PCDHA2: variants seen among roughly 807,000 people sequenced by gnomAD.
The protein encoded by PCDHA2 is protocadherin alpha-2.
Under a neutral mutation model 66.0 loss-of-function variants are expected in PCDHA2, and 58 were observed. The ratio of observed to expected loss-of-function variants is 0.88; its 90% CI spans 0.71 to 1.09. The LOEUF is 1.09. Ranked by LOEUF, PCDHA2 falls within the 50% of genes least tolerant of loss-of-function variation. The pLI is 0.00. For missense variants in PCDHA2, 1,267 were observed against 1,242.3 expected (o/e 1.02, Z -0.30); for synonymous variants, 634 against 554.0 (o/e 1.14, Z -2.03).
chr5:140,825,780 A>C (rs1409625952), intron 1 of PCDHA2: 3 of 152,454 alleles, frequency 2.0e-5, no homozygotes, highest in African/African-American at 7.2e-5. Context: ...AAATTCTACT[A>C]TATTTTGGTT....
intron 1 of PCDHA2, chr5:140,870,294 G>A (rs1554164013): frequency 3.1e-6 from 5 of 1,614,192 alleles, no homozygotes; most frequent in Non-Finnish European, 3.4e-6. Flanking sequence ...TCAAGCTGGT[G>A]TCCACCTTCA....
intron 1 of PCDHA2, chr5:140,816,072 A>G (rs1300909474): frequency 1.3e-5 from 2 of 152,144 alleles, no homozygotes; most frequent in African/African-American, 4.8e-5. Flanking sequence ...TTCAGATGTA[A>G]TTTTAAAAAA....
In PCDHA2 at chr5:140,856,941, C is replaced by A. The variant is rs782304851; in HGVS notation, c.2388+59589C>A. The A allele has an allele frequency of 2.5e-6, 4 of 1,592,588 alleles. No homozygotes were observed. The South Asian group carries it at 3.3e-5, about 13-fold the overall frequency. On this transcript the variant is annotated intron_variant, in intron 1 of 3. Coordinates refer to ENST00000526136, the MANE Select transcript of PCDHA2 (RefSeq NM_018905.3). The stretch of plus-strand genomic sequence containing the variant: ...AGGAAATTTTGGATAAACGAAAGGA[C>A]GGGAGAAATAAAAGTAAATGATGCT...
intron 1 of PCDHA2, chr5:140,863,165 C>G (rs1367294208): frequency 1.5e-6 from 1 of 666,560 alleles, no homozygotes; most frequent in Non-Finnish European, 2.7e-6. Context: ...TGCGAGCTGG[C>G]GCTGACTGCC....
chr5:140,839,516 A>G (rs2150298514), intron 1 of PCDHA2, among the ~76,000 whole-genome samples: 7 of 151,942 alleles, frequency 4.6e-5, no homozygotes, highest in African/African-American at 1.7e-4. Context: ...CAGCCTCTCA[A>G]GTTGCTGGGA....
intron 1 of PCDHA2, among the ~76,000 whole-genome samples, chr5:140,831,887 T>C (rs2150198010): frequency 2.4e-4 from 37 of 152,304 alleles, no homozygotes; most frequent in African/African-American, 6.5e-4. Context: ...CGCTTATAAC[T>C]GTGTTTGCCA....
intron 1 of PCDHA2, chr5:140,884,510 T>G: frequency 6.2e-7 from 1 of 1,613,982 alleles, no homozygotes; most frequent in Non-Finnish European, 8.5e-7. Flanking sequence ...GGCAGGGAGT[T>G]GGTCGTACTC....
At position 140,796,705 on chromosome 5, in the gene PCDHA2, G is replaced by C; in HGVS notation, c.1741G>C (p.Val581Leu). ...GTAAGAVSEL[V>L]PWSVGAGHVV... ...CGCTGCTGGCGCAGTGAGTGAGCTG[G>C]TGCCGTGGTCGGTGGGTGCAGGGCA... The change falls in exon 1 of 4, where the codon GTG becomes CTG. Residue 581 changes from valine to leucine, a missense_variant. Transcript: ENST00000526136. 6.2e-7 allele frequency: 1 copy of C among 1,614,010 alleles called. No individual in the cohort carries two copies. Among genetic ancestry groups the C allele is most frequent in the Non-Finnish European group, 8.5e-7 (1 of 1,179,914 alleles).
At chr5:140,967,279 T>A in intron 1 of PCDHA2, 1 of 1,613,002 alleles carries the variant, frequency 6.2e-7, no homozygotes, top group Non-Finnish European at 8.5e-7. Context: ...ACATAGAGAG[T>A]GCGCAGGACC....
Position 140,849,199 on chromosome 5 carries a change from A to G in PCDHA2, c.2388+51847A>G, listed in dbSNP as rs1581177103. 1 of 1,039,422 alleles carries G rather than the reference A, an allele frequency of 9.6e-7. No homozygotes were observed. The allele number at this position is 1,039,422 out of a possible 1,614,324, so 64.4% of individuals were successfully genotyped here. On this transcript the variant is annotated intron_variant, in intron 1 of 3. Transcript: ENST00000526136. Reference sequence around the variant, plus strand: ...CAATTACTCATCACGGTACTGGACAACAATGACAATGCCCCAGTGTTCGAC... The same window carrying G: ...CAATTACTCATCACGGTACTGGACAGCAATGACAATGCCCCAGTGTTCGAC...
intron 1 of PCDHA2, among the ~76,000 whole-genome samples, chr5:140,943,311 T>C (rs1281237979): frequency 1.3e-5 from 2 of 150,340 alleles, no homozygotes. Flanking sequence ...AAGTCATTAT[T>C]AGCAATATTG....
At chr5:140,847,774 C>T (rs1554141905) in intron 1 of PCDHA2, 2 of 149,772 alleles carry the variant, frequency 1.3e-5, no homozygotes, top group East Asian at 3.9e-4. Context: ...AGTCAATTCT[C>T]GCTTTTCTTG....
chr5:140,823,639 C>A, intron 1 of PCDHA2: 1 of 1,614,012 alleles, frequency 6.2e-7, no homozygotes, highest in Non-Finnish European at 8.5e-7. Context: ...CATCCCGTTC[C>A]GCGTGGGGCT....
At chr5:140,806,518 C>A (rs1450874274) in intron 1 of PCDHA2, among the ~76,000 whole-genome samples, 2 of 152,202 alleles carry the variant, frequency 1.3e-5, no homozygotes, top group African/African-American at 2.4e-5. Context: ...TAATTAAATG[C>A]TGATGGTCTT....
At chr5:140,856,925 T>G in intron 1 of PCDHA2, 1 of 1,595,180 alleles carries the variant, frequency 6.3e-7, no homozygotes, top group Non-Finnish European at 8.6e-7. Flanking sequence ...AAGGAAATTT[T>G]GGATAAACGA....
intron 1 of PCDHA2, chr5:140,842,313 C>T (rs2150333932): frequency 2.5e-6 from 4 of 1,607,028 alleles, no homozygotes; most frequent in East Asian, 2.2e-5. Flanking sequence ...CCTCCCATGG[C>T]GGGTCATTGC....
chr5:140,823,741 C>A (rs2150128632), intron 1 of PCDHA2: 25 of 1,613,720 alleles, frequency 1.5e-5, no homozygotes, highest in Non-Finnish European at 2.0e-5. Flanking sequence ...CCATGGAGAG[C>A]CCCCGCTGAC....
chr5:140,869,465 T>G (rs1291817814), intron 1 of PCDHA2: 7 of 1,614,026 alleles, frequency 4.3e-6, no homozygotes, highest in Non-Finnish European at 5.9e-6. Context: ...CATGTGAACG[T>G]GGAGGTGAAG....
chr5:140,807,850 G>T, intron 1 of PCDHA2: 2 of 1,614,168 alleles, frequency 1.2e-6, no homozygotes, highest in South Asian at 2.2e-5. Context: ...GCAAACCCGA[G>T]TTGACTGGCA....
Sources: allele counts gnomAD v4.1 joint callset (sites outside exome capture counted in the v4.1 genomes callset), GRCh38; gene constraint gnomAD v4.1.1; transcripts MANE v1.5; gene names NCBI Gene and HGNC (gene_info 2026-07-23, HGNC 2026-07-21).